Variants in CHST11 observed in about 807,000 individuals in gnomAD.
CHST11 encodes the protein carbohydrate sulfotransferase 11, also known as C4S-1.
Under a neutral mutation model 30.4 loss-of-function variants are expected in CHST11, and 9 were observed. The ratio of observed to expected loss-of-function variants is 0.30; its 90% CI spans 0.18 to 0.52. The LOEUF is 0.52. Ranked by LOEUF, CHST11 falls within the 20% of genes least tolerant of loss-of-function variation. The probability of loss-of-function intolerance (pLI) is 0.97; values close to 1 mark genes in which losing one functional copy is unlikely to be tolerated. For synonymous variants in CHST11, 152 were observed against 187.8 expected (o/e 0.81, Z 1.56); for missense variants, 348 against 460.6 (o/e 0.76, Z 2.24).
At chr12:104,650,421 G>C (rs1489364310) in intron 2 of CHST11, among the ~76,000 whole-genome samples, 1 of 152,220 alleles carries the variant, frequency 6.6e-6, no homozygotes, top group Non-Finnish European at 1.5e-5. Flanking sequence ...TTATACCTCA[G>C]AACTCTGGAT....
At chr12:104,537,086 C>T (rs960906701) in intron 1 of CHST11, among the ~76,000 whole-genome samples, 1 of 152,142 alleles carries the variant, frequency 6.6e-6, no homozygotes, top group Non-Finnish European at 1.5e-5. Context: ...CCACATTGCA[C>T]GCAGGTGTGT....
rs543261123 is a variant in CHST11 at position 104,706,154 on chromosome 12, C to A, written c.205-50795C>A. Among the ~76,000 whole-genome samples, 32 of 151,836 alleles carry A rather than the reference C, an allele frequency of 2.1e-4. 2 individuals carry two copies. The highest frequency in any genetic ancestry group is 1.2e-3 in the East Asian group (6 of 5,120). ...ATCCCAGCACTTTGGGAGGCCGAGG[C>A]GGGCAGATCACCTGAGGTCAGGAGC... On this transcript the variant is annotated intron_variant, in intron 2 of 2. Coordinates refer to ENST00000303694, the MANE Select transcript of CHST11 (RefSeq NM_018413.6).
intron 1 of CHST11, among the ~76,000 whole-genome samples, chr12:104,581,228 G>A (rs1479807391): frequency 2.0e-5 from 3 of 152,188 alleles, no homozygotes; most frequent in Non-Finnish European, 2.9e-5. Context: ...TAGCTTCAGG[G>A]TGTTGACTTG....
intron 2 of CHST11, among the ~76,000 whole-genome samples, chr12:104,706,055 C>A (rs576702469): frequency 6.6e-6 from 1 of 152,092 alleles, no homozygotes; most frequent in Admixed American, 6.5e-5. Context: ...CACTGCACTC[C>A]AGCTGGGGAG....
At chr12:104,498,073 C>T (rs2037817748) in intron 1 of CHST11, among the ~76,000 whole-genome samples, 3 of 151,928 alleles carry the variant, frequency 2.0e-5, no homozygotes, top group Admixed American at 6.6e-5. Context: ...CATGTACCAC[C>T]ACACTTGGCT....
At chr12:104,550,763 G>T (rs1302857968) in intron 1 of CHST11, among the ~76,000 whole-genome samples, 1 of 152,212 alleles carries the variant, frequency 6.6e-6, no homozygotes, top group Non-Finnish European at 1.5e-5. Flanking sequence ...AAGGGACAGC[G>T]AACTCCTTCT....
At chr12:104,606,704 C>T (rs2039008594) in intron 2 of CHST11, among the ~76,000 whole-genome samples, 1 of 152,170 alleles carries the variant, frequency 6.6e-6, no homozygotes, top group Non-Finnish European at 1.5e-5. Flanking sequence ...GAGGTATGCT[C>T]AGGACCAGTT....
At chr12:104,474,313 A>T (rs1223699240) in intron 1 of CHST11, among the ~76,000 whole-genome samples, 1 of 152,236 alleles carries the variant, frequency 6.6e-6, no homozygotes, top group African/African-American at 2.4e-5. Flanking sequence ...GCAATCTTTT[A>T]GTTAATTGTA....
intron 2 of CHST11, among the ~76,000 whole-genome samples, chr12:104,683,746 C>T (rs753670792): frequency 1.4e-4 from 22 of 152,148 alleles, no homozygotes; most frequent in African/African-American, 1.9e-4. Context: ...ATCCCTTGGG[C>T]GCATTGCCGG....
At chr12:104,670,749 C>G (rs117919611) in intron 2 of CHST11, among the ~76,000 whole-genome samples, 1 of 150,454 alleles carries the variant, frequency 6.6e-6, no homozygotes, top group African/African-American at 2.5e-5. Flanking sequence ...CCACACATAC[C>G]CCTCACATAC....
At position 104,458,617 on chromosome 12, in the gene CHST11, G is replaced by A. The variant is rs1035719007; in HGVS notation, c.118+1088G>A. ...GTAACGCGGGTCTCCCCGCCAAGCC[G>A]TGGCTCCCCTGCTCCCTTTTACCCT... On this transcript the variant is annotated intron_variant, in intron 1 of 2. Transcript: ENST00000303694. This position sits in a 1 kb window ranked among gnomAD's most constrained non-coding sequence, Gnocchi z 5.7. Among the ~76,000 whole-genome samples the A allele has an allele frequency of 6.6e-6, 1 of 152,252 alleles. No homozygotes were observed. The highest frequency in any genetic ancestry group is 1.5e-5 in the Non-Finnish European group (1 of 68,036).
chr12:104,681,035 G>A (rs2039790940), intron 2 of CHST11, among the ~76,000 whole-genome samples: 2 of 152,222 alleles, frequency 1.3e-5, no homozygotes, highest in Admixed American at 6.5e-5. Context: ...GATAATAAAT[G>A]AAGACATCTA....
At chr12:104,592,435 CATG>C (rs2038868620) in intron 1 of CHST11, among the ~76,000 whole-genome samples, 1 of 152,136 alleles carries the variant, frequency 6.6e-6, no homozygotes, top group African/African-American at 2.4e-5. Context: ...TATGTCCTCA[CATG>C]GTGGAGGGGG....
At chr12:104,475,329 T>C (rs2037546314) in intron 1 of CHST11, among the ~76,000 whole-genome samples, 1 of 152,192 alleles carries the variant, frequency 6.6e-6, no homozygotes, top group Middle Eastern at 3.4e-3. Flanking sequence ...GCTGTAATGC[T>C]TTATAATAAT....
intron 2 of CHST11, among the ~76,000 whole-genome samples, chr12:104,633,475 C>T (rs545609253): frequency 7.1e-5 from 10 of 141,104 alleles, no homozygotes; most frequent in South Asian, 2.2e-4. Flanking sequence ...AGTTCAGTCG[C>T]GTGATCTCGG....
At chr12:104,705,641 C>T (rs974518610) in intron 2 of CHST11, among the ~76,000 whole-genome samples, 1 of 152,234 alleles carries the variant, frequency 6.6e-6, no homozygotes. Context: ...GTGGGCAGGG[C>T]CAGGCGCGGT....
chr12:104,709,664 C>T (rs762173582), intron 2 of CHST11, among the ~76,000 whole-genome samples: 21 of 152,142 alleles, frequency 1.4e-4, no homozygotes, highest in East Asian at 3.9e-4. Context: ...TTAAGAAGCC[C>T]GTCGCAGGGC....
At chr12:104,677,502 C>T (rs922882581) in intron 2 of CHST11, among the ~76,000 whole-genome samples, 3 of 152,168 alleles carry the variant, frequency 2.0e-5, no homozygotes, top group African/African-American at 7.2e-5. Flanking sequence ...AAAAGAGGCC[C>T]AAGATATTTA....
chr12:104,586,553 C>A (rs1345793893), intron 1 of CHST11, among the ~76,000 whole-genome samples: 2 of 152,266 alleles, frequency 1.3e-5, no homozygotes, highest in Non-Finnish European at 2.9e-5. Flanking sequence ...TATTTCCTTT[C>A]TCCAGCAGCT....
Sources: gnomAD v4.1 joint callset for allele counts (sites outside exome capture counted in the v4.1 genomes callset) on GRCh38, gnomAD v4.1.1 for gene constraint, Gnocchi (gnomAD v3.1) non-coding constraint, MANE v1.5 for transcripts, NCBI Gene and HGNC (gene_info 2026-07-23, HGNC 2026-07-21) for gene names.